The following IL2RB variants were observed in gnomAD, a reference collection of about 807,000 sequenced individuals.
IL2RB encodes the protein interleukin 2 receptor subunit beta, also known as interleukin-2 receptor subunit beta.
IL2RB carries 17 observed loss-of-function variants against 44.2 expected under a neutral mutation model. The observed-to-expected ratio is 0.38, with a 90% CI of 0.26 to 0.58. The LOEUF is 0.58. Among genes scored for constraint, IL2RB ranks in the 20% least tolerant of loss-of-function variants. The pLI is 0.63. For synonymous variants in IL2RB, 286 were observed against 297.9 expected (o/e 0.96, Z 0.41); for missense variants, 624 against 685.5 (o/e 0.91, Z 1.00).
intron 1 of IL2RB, among the ~76,000 whole-genome samples, chr22:37,146,782 A>G (rs1481856458): frequency 6.6e-6 from 1 of 152,110 alleles, no homozygotes; most frequent in Admixed American, 6.5e-5. Flanking sequence ...AATGTAGTGA[A>G]ATGAATGAGT....
At chr22:37,145,575 G>A (rs954031165) in intron 1 of IL2RB, among the ~76,000 whole-genome samples, 1 of 152,064 alleles carries the variant, frequency 6.6e-6, no homozygotes, top group African/African-American at 2.4e-5. Flanking sequence ...GGTGTGCGGA[G>A]GGGAATGAGA....
Position 37,135,368 on chromosome 22 carries a change from AGAT to A in IL2RB, c.775_777del (p.Ile259del), listed in dbSNP as rs750532739. 6.2e-7 allele frequency: 1 copy of A among 1,613,958 alleles called. No homozygotes were observed. ...CTGCAGTTGATCAGCAAGTACACTA[AGAT>A]GATGAAGCCAAAAGCCCCGCTGAGG... On this transcript the variant is annotated inframe_deletion, in exon 8 of 10. Transcript: ENST00000216223.
At chr22:37,159,432 G>A (rs1246517855) in intron 1 of IL2RB, among the ~76,000 whole-genome samples, 1 of 152,092 alleles carries the variant, frequency 6.6e-6, no homozygotes, top group Non-Finnish European at 1.5e-5. Context: ...CCCTGGGCTC[G>A]CTGAGAACAG....
chr22:37,153,124 G>T (rs1023337305), upstream of IL2RB, among the ~76,000 whole-genome samples: 1 of 152,018 alleles, frequency 6.6e-6, no homozygotes, highest in Non-Finnish European at 1.5e-5. Context: ...CAGTAGAGAC[G>T]GGGTTTCCCC....
upstream of IL2RB, among the ~76,000 whole-genome samples, chr22:37,154,764 T>C (rs1432038932): frequency 1.3e-5 from 2 of 151,974 alleles, no homozygotes; most frequent in Non-Finnish European, 2.9e-5. Context: ...TCAGTAGAGA[T>C]GGGGTTTCAC....
intron 8 of IL2RB, among the ~76,000 whole-genome samples, chr22:37,133,758 A>G (rs228951): frequency 0.47 from 72,073 of 152,040 alleles, 19,128 homozygotes; most frequent in African/African-American, 0.73. Context: ...TCCTCACCAC[A>G]GCCTGAGGCC....
At position 37,135,335 on chromosome 22, in the gene IL2RB, C is replaced by T. The variant is rs116250343; in HGVS notation, c.811G>A (p.Gly271Arg). The part of the protein sequence containing the change: ...VYLLINCRNT[G>R]PWLKKVLKCN... ...GGAGGAGAACCTTCTTACCATGGCC[C>T]GGTGTTCCTGCAGTTGATCAGCAAG... is the stretch of plus-strand genomic sequence containing the variant. Residue 271 changes from glycine to arginine, a missense_variant, in exon 8 of 10, where the codon GGG (glycine) becomes AGG (arginine). Coordinates refer to ENST00000216223, the MANE Select transcript of IL2RB (RefSeq NM_000878.5). 1.8e-3 allele frequency: 2,859 copies of T among 1,612,420 alleles called. 31 individuals carry two copies. In the African/African-American group the frequency reaches 0.026, roughly 15 times the overall value.
chr22:37,135,528 C>A, intron 7 of IL2RB, 86 bp from the exon 8 acceptor site: 1 of 795,510 alleles, frequency 1.3e-6, no homozygotes, highest in Admixed American at 1.9e-5. Context: ...ACACCCCCAT[C>A]CAGGGCCCTG....
rs938237902 is a variant in IL2RB, at chr22:37,126,022, C to T, written c.*2074G>A. The T allele has an allele frequency of 2.0e-5, 3 of 152,074 alleles. No homozygotes were observed. Among genetic ancestry groups the T allele is most frequent in the Non-Finnish European group, 2.9e-5 (2 of 68,028 alleles). The allele number at this position is 152,074 out of a possible 1,614,324, so 9.4% of individuals were successfully genotyped here. A position where few individuals can be genotyped will look rare whatever the true frequency, so the allele number is the denominator to read the frequency against. On this transcript the variant is annotated 3_prime_UTR_variant, in exon 10 of 10. Coordinates refer to ENST00000216223, the MANE Select transcript of IL2RB (RefSeq NM_000878.5). Reference sequence around the variant, plus strand: ...GGTACACACGGATCATTAAAAGATACGGATGTATAGATACATATGTCACAA... The same window carrying T: ...GGTACACACGGATCATTAAAAGATATGGATGTATAGATACATATGTCACAA...
chr22:37,171,761 A>C (rs1923293688), intron 1 of IL2RB, among the ~76,000 whole-genome samples: 1 of 152,206 alleles, frequency 6.6e-6, no homozygotes, highest in African/African-American at 2.4e-5. Context: ...TGTTCTCAGA[A>C]AGTATTTATG....
At chr22:37,130,083 C>T (rs937418938) in intron 9 of IL2RB, among the ~76,000 whole-genome samples, 3 of 152,130 alleles carry the variant, frequency 2.0e-5, no homozygotes, top group Non-Finnish European at 4.4e-5. Flanking sequence ...ACACACCACT[C>T]AATTAAATCC....
At chr22:37,135,520 A>G (rs554135284) in intron 7 of IL2RB, 78 bp from the exon 8 acceptor site, 4 of 856,148 alleles carry the variant, frequency 4.7e-6, no homozygotes, top group Admixed American at 1.9e-5. Context: ...TCACCCCAAC[A>G]CCCCCATCCA....
intron 1 of IL2RB, among the ~76,000 whole-genome samples, chr22:37,172,611 G>T (rs1047432240): frequency 2.0e-5 from 3 of 152,174 alleles, no homozygotes; most frequent in African/African-American, 7.2e-5. Flanking sequence ...CCTTCACTGG[G>T]CCCAGCCCCC....
At chr22:37,166,943 G>A (rs1393834255) in intron 1 of IL2RB, 2 of 152,138 alleles carry the variant, frequency 1.3e-5, no homozygotes, top group East Asian at 3.9e-4. Flanking sequence ...GAGGCTCTCA[G>A]GCCCAGCTGC....
rs1240984214 is a variant in IL2RB at position 37,127,285 on chromosome 22, A to AG, written c.*810dup. ...TCAGAGATCCCAAAGGAATAGTAAC[A>AG]GGGCCTCTTTCTCCAGGCGCCCTGG... On this transcript the variant is annotated 3_prime_UTR_variant, in exon 10 of 10. Coordinates refer to ENST00000216223, the MANE Select transcript of IL2RB (RefSeq NM_000878.5). 1 of 152,230 alleles carries AG rather than the reference A, an allele frequency of 6.6e-6. No individual in the cohort carries two copies. Among genetic ancestry groups the AG allele is most frequent in the Non-Finnish European group, 1.5e-5 (1 of 68,060 alleles). 9.4% of individuals were successfully genotyped at this position (152,230 alleles called of 1,614,324 possible).
chr22:37,137,784 TCC>T, intron 5 of IL2RB, 49 bp from the exon 6 acceptor site: 2 of 1,536,762 alleles, frequency 1.3e-6, no homozygotes, highest in Non-Finnish European at 1.8e-6. Flanking sequence ...GACCTCCACC[TCC>T]CACTTTGTAC....
chr22:37,155,098 A>C (rs1259669331), intron 1 of IL2RB, among the ~76,000 whole-genome samples: 2 of 152,150 alleles, frequency 1.3e-5, no homozygotes, highest in African/African-American at 4.8e-5. Context: ...CAGGTGCTAC[A>C]GCTGAACATA....
chr22:37,170,600 G>A (rs576489035), intron 1 of IL2RB, among the ~76,000 whole-genome samples: 8 of 152,266 alleles, frequency 5.3e-5, no homozygotes, highest in African/African-American at 1.4e-4. Flanking sequence ...CATGGGAGTC[G>A]ACTTGCCCCT....
chr22:37,161,714 G>T (rs1370937153), intron 1 of IL2RB: 1 of 152,136 alleles, frequency 6.6e-6, no homozygotes, highest in African/African-American at 2.4e-5. Flanking sequence ...GACTGGGAGG[G>T]CATGTGACCA....
Sources: gnomAD v4.1 joint callset for allele counts (sites outside exome capture counted in the v4.1 genomes callset) on GRCh38, gnomAD v4.1.1 for gene constraint, MANE v1.5 for transcripts, NCBI Gene and HGNC (gene_info 2026-07-23, HGNC 2026-07-21) for gene names.